TMEM163: variants seen among roughly 807,000 people sequenced by gnomAD.
TMEM163 encodes the protein transmembrane protein 163.
Under a neutral mutation model 29.3 loss-of-function variants are expected in TMEM163, and 17 were observed. The ratio of observed to expected loss-of-function variants is 0.58; its 90% CI spans 0.40 to 0.87. The LOEUF is 0.87. Among genes scored for constraint, TMEM163 ranks in the 40% least tolerant of loss-of-function variants. The probability of loss-of-function intolerance (pLI) is 0.00; values close to 1 mark genes in which losing one functional copy is unlikely to be tolerated. For synonymous variants in TMEM163, 157 were observed against 160.6 expected, an observed-to-expected ratio of 0.98 and a Z score of 0.17; for missense variants, 303 against 381.5, an observed-to-expected ratio of 0.79 and a Z score of 1.71.
intron 4 of TMEM163, among the ~76,000 whole-genome samples, chr2:134,524,147 G>A (rs1680243711): frequency 6.6e-6 from 1 of 152,280 alleles, no homozygotes; most frequent in Non-Finnish European, 1.5e-5. Flanking sequence ...ACTACAGCCT[G>A]CATTTGAATA....
At chr2:134,530,503 C>T (rs1181837255) in intron 4 of TMEM163, among the ~76,000 whole-genome samples, 2 of 152,118 alleles carry the variant, frequency 1.3e-5, no homozygotes, top group African/African-American at 4.8e-5. Flanking sequence ...TCTCAAACTC[C>T]TAGGCTCAAG....
intron 2 of TMEM163, among the ~76,000 whole-genome samples, chr2:134,644,307 C>T (rs1053140676): frequency 4.6e-5 from 7 of 151,860 alleles, no homozygotes; most frequent in African/African-American, 1.2e-4. Flanking sequence ...ACAACTAAAA[C>T]GATGTTTTTG....
intron 5 of TMEM163, among the ~76,000 whole-genome samples, chr2:134,497,364 T>G (rs1679592921): frequency 3.3e-5 from 5 of 152,228 alleles, no homozygotes; most frequent in African/African-American, 9.6e-5. Flanking sequence ...GTATTATTTA[T>G]TGCCAACATG....
At chr2:134,581,071 C>T (rs956866178) in intron 2 of TMEM163, among the ~76,000 whole-genome samples, 1 of 152,174 alleles carries the variant, frequency 6.6e-6, no homozygotes, top group African/African-American at 2.4e-5. Flanking sequence ...ATCACAGACG[C>T]AGGTGCCAAG....
intron 2 of TMEM163, among the ~76,000 whole-genome samples, chr2:134,596,695 AC>A (rs1272607661): frequency 6.6e-6 from 1 of 152,102 alleles, no homozygotes; most frequent in Non-Finnish European, 1.5e-5. Context: ...TCTATAAATT[AC>A]CTTAGGCAGT....
chr2:134,718,914 G>T lies in TMEM163; in HGVS notation c.22C>A (p.Gln8Lys). Residue 8 changes from glutamine to lysine, a missense_variant, in exon 1 of 8, where the codon CAG becomes AAG. Coordinates refer to ENST00000281924, the MANE Select transcript of TMEM163 (RefSeq NM_030923.5). MEPAAGI[Q>K]RRSSQGPTVP... ...GTGGGCCCCTGGGAGCTGCGGCGCT[G>T]GATGCCCGCGGCCGGCTCCATGGCG... 9.4e-7 allele frequency: 1 copy of T among 1,066,034 alleles called. No homozygotes were observed. The highest frequency in any genetic ancestry group is 1.1e-6 in the Non-Finnish European group (1 of 883,800). 66.0% of individuals were successfully genotyped at this position (1,066,034 alleles called of 1,614,324 possible).
At chr2:134,674,486 G>GCC (rs988854084) in intron 2 of TMEM163, among the ~76,000 whole-genome samples, 1 of 91,596 alleles carries the variant, frequency 1.1e-5, no homozygotes, top group African/African-American at 5.2e-5. Context: ...TGGGACTACA[G>GCC]GCGCGCGCGC....
At chr2:134,584,285 C>T (rs527239644) in intron 2 of TMEM163, among the ~76,000 whole-genome samples, 19 of 152,278 alleles carry the variant, frequency 1.2e-4, no homozygotes, top group South Asian at 2.1e-4. Context: ...AAACAGATCA[C>T]GCTGCCAAGA....
chr2:134,629,264 T>A (rs1366372853), intron 2 of TMEM163, among the ~76,000 whole-genome samples: 1 of 152,204 alleles, frequency 6.6e-6, no homozygotes, highest in Non-Finnish European at 1.5e-5. Flanking sequence ...TCTTAAGCAA[T>A]GCACTATGCT....
chr2:134,500,345 G>A (rs1679670446), intron 5 of TMEM163, among the ~76,000 whole-genome samples: 1 of 152,234 alleles, frequency 6.6e-6, no homozygotes, highest in Admixed American at 6.5e-5. Flanking sequence ...ACCCAGGATG[G>A]AGACAGACAC....
chr2:134,471,080 G>T (rs916535926), intron 5 of TMEM163, among the ~76,000 whole-genome samples: 1 of 152,254 alleles, frequency 6.6e-6, no homozygotes, highest in African/African-American at 2.4e-5. Flanking sequence ...GCTGAAGCAA[G>T]TGGATCACTT....
At chr2:134,714,988 C>G (rs1410706734) in intron 1 of TMEM163, among the ~76,000 whole-genome samples, 1 of 152,128 alleles carries the variant, frequency 6.6e-6, no homozygotes, top group Non-Finnish European at 1.5e-5. Flanking sequence ...TCCCTTTTCC[C>G]AAATGATATA....
chr2:134,545,771 C>A (rs192140837), intron 4 of TMEM163, among the ~76,000 whole-genome samples: 9 of 152,202 alleles, frequency 5.9e-5, no homozygotes, highest in African/African-American at 2.2e-4. Flanking sequence ...ATAAATGAAA[C>A]GCCTATGGAA....
intron 2 of TMEM163, among the ~76,000 whole-genome samples, chr2:134,700,610 T>C (rs4954165): frequency 0.31 from 47,183 of 152,082 alleles, 9,597 homozygotes; most frequent in African/African-American, 0.57. Context: ...TTTAAAAAGA[T>C]GAATCCAGCC....
At chr2:134,522,627 C>T (rs1290872428) in intron 4 of TMEM163, among the ~76,000 whole-genome samples, 2 of 152,242 alleles carry the variant, frequency 1.3e-5, no homozygotes, top group Non-Finnish European at 2.9e-5. Flanking sequence ...CCAACTGTGG[C>T]ATTTTGCCCA....
rs145699247 is a variant in TMEM163, at chr2:134,675,154, C to A, written c.322+38046G>T. 2.5e-3 allele frequency among the ~76,000 whole-genome samples: 377 copies of A among 152,318 alleles called. 3 individuals carry two copies. The highest frequency in any genetic ancestry group is 8.7e-3 in the African/African-American group (362 of 41,570). ...CAATATGTATTATCGAAAAGAAACACATGAATGTTTCCATTTTGGGGAAGG... is the reference window on the plus strand; with the variant it reads ...CAATATGTATTATCGAAAAGAAACAAATGAATGTTTCCATTTTGGGGAAGG... On this transcript the variant is annotated intron_variant, in intron 2 of 7. Transcript: ENST00000281924.
intron 4 of TMEM163, among the ~76,000 whole-genome samples, chr2:134,524,400 C>A (rs1303503089): frequency 7.4e-6 from 1 of 135,160 alleles, no homozygotes; most frequent in Non-Finnish European, 1.6e-5. Flanking sequence ...TTCTGGGATA[C>A]ATGCGCAGGA....
intron 2 of TMEM163, among the ~76,000 whole-genome samples, chr2:134,670,725 A>G (rs1305793377): frequency 2.6e-5 from 4 of 152,208 alleles, no homozygotes; most frequent in African/African-American, 9.6e-5. Context: ...TCGATTTCAG[A>G]AAACCAAAGA....
intron 4 of TMEM163, among the ~76,000 whole-genome samples, chr2:134,544,856 T>C (rs1680745767): frequency 6.6e-6 from 1 of 152,126 alleles, no homozygotes; most frequent in Non-Finnish European, 1.5e-5. Flanking sequence ...AAGTACCCAA[T>C]GACCACATGG....
Sources: gnomAD v4.1 joint callset for allele counts (sites outside exome capture counted in the v4.1 genomes callset) on GRCh38, gnomAD v4.1.1 for gene constraint, MANE v1.5 for transcripts, NCBI Gene and HGNC (gene_info 2026-07-23, HGNC 2026-07-21) for gene names.